The following TLE5 variants were observed in gnomAD, a reference collection of about 807,000 sequenced individuals.
TLE5 encodes TLE family member 5.
A neutral mutation model predicts 25.8 loss-of-function variants in TLE5; 7 were observed. The ratio of observed to expected loss-of-function variants is 0.27; its 90% CI spans 0.15 to 0.51. The LOEUF (loss-of-function observed/expected upper bound fraction) is 0.51, where lower values mean the gene tolerates loss of function less well. Ranked by LOEUF, TLE5 falls within the 20% of genes least tolerant of loss-of-function variation. The pLI is 0.97. For synonymous variants in TLE5, 132 were observed against 110.5 expected (o/e 1.20, Z -1.22); for missense variants, 149 against 250.7 (o/e 0.59, Z 2.74).
At chr19:3,056,406 G>T (rs1229921418) in intron 3 of TLE5, 50 bp from the exon 4 acceptor site, 6 of 465,538 alleles carry the variant, frequency 1.3e-5, no homozygotes, top group Admixed American at 6.9e-5. Context: ...GGGGAAGGAT[G>T]GGGGGACACG....
At chr19:3,060,919 G>A (rs929474043) in intron 2 of TLE5, 14 of 315,932 alleles carry the variant, frequency 4.4e-5, no homozygotes, top group Admixed American at 4.3e-4. Flanking sequence ...AGGAGGGAGG[G>A]GCTCTGAAGC....
At chr19:3,060,619 AC>A in intron 2 of TLE5, among the ~76,000 whole-genome samples, 1 of 152,272 alleles carries the variant, frequency 6.6e-6, no homozygotes, top group Admixed American at 6.5e-5. Flanking sequence ...GGCATGAGCC[AC>A]CACGCCTGGC....
intron 1 of TLE5, 176 bp from the exon 2 acceptor site, chr19:3,061,433 C>T (rs1015923148): frequency 9.3e-6 from 4 of 431,156 alleles, no homozygotes; most frequent in Non-Finnish European, 1.2e-5. Context: ...CCGCCTCTCC[C>T]GGGGGAAGCC....
intron 3 of TLE5, chr19:3,056,594 G>T (rs1267688406): frequency 1.5e-6 from 1 of 667,864 alleles, no homozygotes; most frequent in Admixed American, 2.1e-5. Context: ...TGCGGATGGA[G>T]ACTGGGGGCA....
intron 3 of TLE5, chr19:3,056,561 G>C (rs2090220765): frequency 1.5e-6 from 1 of 648,026 alleles, no homozygotes. Context: ...CCGCCCTGGA[G>C]AGGGGCAGGG....
In TLE5 at chr19:3,053,786, C is replaced by T; in HGVS notation, c.*33G>A. 7 of 1,585,218 alleles carry T rather than the reference C, an allele frequency of 4.4e-6. No homozygotes were observed. Among genetic ancestry groups the T allele is most frequent in the Non-Finnish European group, 6.0e-6 (7 of 1,157,138 alleles). ...CTCCGTGCCTCTGTCTCCCCTCTGT[C>T]CCCCCTCCCAACCTCCCTGTCCCGG... On this transcript the variant is annotated 3_prime_UTR_variant, in exon 7 of 7. Coordinates refer to ENST00000327141, the MANE Select transcript of TLE5 (RefSeq NM_001130.6).
chr19:3,060,660 G>A (rs1173679746), intron 2 of TLE5, among the ~76,000 whole-genome samples: 1 of 152,058 alleles, frequency 6.6e-6, no homozygotes, highest in Non-Finnish European at 1.5e-5. Flanking sequence ...AGTGTAAGAG[G>A]ACTAAATAGT....
intron 2 of TLE5, among the ~76,000 whole-genome samples, chr19:3,058,242 G>A (rs761192161): frequency 2.6e-5 from 4 of 152,092 alleles, no homozygotes; most frequent in Admixed American, 2.0e-4. Context: ...GAGGGGGCAC[G>A]GTAACGCTAG....
chr19:3,056,512 G>A, intron 3 of TLE5, 156 bp from the exon 4 acceptor site: 1 of 601,988 alleles, frequency 1.7e-6, no homozygotes, highest in Non-Finnish European at 3.0e-6. Context: ...AGGTGGGAGG[G>A]AAAGAGGAGG....
intron 3 of TLE5, 59 bp downstream of exon 3, chr19:3,057,620 G>A: frequency 6.6e-7 from 1 of 1,518,704 alleles, no homozygotes; most frequent in Non-Finnish European, 9.1e-7. Context: ...TGGTGGAGGG[G>A]ATGTGGAGGG....
intron 1 of TLE5, chr19:3,061,461 C>A: frequency 2.6e-6 from 1 of 390,178 alleles, no homozygotes; most frequent in Admixed American, 4.5e-5. Context: ...TGGGTGCGCC[C>A]GGAGCCGCCC....
chr19:3,062,678 G>A, upstream of TLE5: 1 of 1,395,184 alleles, frequency 7.2e-7, no homozygotes, highest in African/African-American at 1.5e-5. Flanking sequence ...CCCGGGCAGC[G>A]GCCCCCGCCA....
Position 3,061,272 on chromosome 19 carries a change from C to T in TLE5, c.28-15G>A, listed in dbSNP as rs1193070285. On this transcript the variant is annotated splice_polypyrimidine_tract_variant and intron_variant, in intron 1 of 6. Coordinates refer to ENST00000327141, the MANE Select transcript of TLE5 (RefSeq NM_001130.6). ...TGCGAGGAGCCCTGTAGGGATGGGG[C>T]GGCCCGGGTCAGGCCCAGGCGTGGG... 6.2e-7 allele frequency: 1 copy of T among 1,602,766 alleles called. No homozygotes were observed. Among genetic ancestry groups the T allele is most frequent in the Non-Finnish European group, 8.5e-7 (1 of 1,170,684 alleles).
intron 4 of TLE5, 25 bp downstream of exon 4, chr19:3,056,287 G>C (rs58280427): frequency 0.26 from 376,996 of 1,461,440 alleles, 54,329 homozygotes; most frequent in East Asian, 0.52. Context: ...GGAGGAGGAG[G>C]AGGAGGAGGA....
At chr19:3,055,574 C>T (rs2090209996) in intron 5 of TLE5, 90 bp downstream of exon 5, 1 of 1,265,570 alleles carries the variant, frequency 7.9e-7, no homozygotes, top group Admixed American at 2.4e-5. Context: ...CCTGGGGCGC[C>T]CAGCACACCA....
In TLE5 at chr19:3,053,869, C is replaced by G. The variant is rs781355237; in HGVS notation, c.544G>C (p.Gly182Arg). 9 of 1,613,378 alleles carry G rather than the reference C, an allele frequency of 5.6e-6. No homozygotes were observed. The highest frequency in any genetic ancestry group is 1.3e-5 in the African/African-American group (1 of 75,072). Residue 182 changes from glycine (G) to arginine (R), a missense_variant, in exon 7 of 7, where the codon GGG becomes CGG. Transcript: ENST00000327141. ...QAHLSKEDKN[G>R]HDGDTHQEDD... is the part of the protein sequence containing the mutation. ...TCCTGGTGGGTGTCACCATCGTGCC[C>G]GTTCTTGTCTTCCTTGGAGAGGTGG...
At chr19:3,057,071 A>G (rs187216891) in intron 3 of TLE5, among the ~76,000 whole-genome samples, 2 of 151,870 alleles carry the variant, frequency 1.3e-5, no homozygotes, top group Non-Finnish European at 2.9e-5. Context: ...TGCCTCCCCC[A>G]CAGTCTGGGA....
At chr19:3,059,937 G>A (rs372549986) in intron 2 of TLE5, among the ~76,000 whole-genome samples, 1 of 152,182 alleles carries the variant, frequency 6.6e-6, no homozygotes, top group Non-Finnish European at 1.5e-5. Flanking sequence ...ACAGTCGGAC[G>A]ACAGGAAGGA....
chr19:3,056,655 C>A (rs748335954), intron 3 of TLE5: 2 of 604,846 alleles, frequency 3.3e-6, no homozygotes, highest in East Asian at 3.7e-5. Context: ...ATGTGCACCG[C>A]GAGAACACGC....
Sources: allele counts gnomAD v4.1 joint callset (sites outside exome capture counted in the v4.1 genomes callset), GRCh38; gene constraint gnomAD v4.1.1; transcripts MANE v1.5; gene names NCBI Gene and HGNC (gene_info 2026-07-23, HGNC 2026-07-21).